RPIA: variants seen among roughly 807,000 people sequenced by gnomAD.
RPIA encodes ribose-5-phosphate isomerase.
RPIA carries 29 observed loss-of-function variants against 37.8 expected under a neutral mutation model. That is an observed-to-expected ratio of 0.77 (90% CI 0.57 to 1.05). The LOEUF (loss-of-function observed/expected upper bound fraction) is 1.05, where lower values mean the gene tolerates loss of function less well. Ranked by LOEUF, RPIA falls within the 50% of genes least tolerant of loss-of-function variation. The probability of loss-of-function intolerance (pLI) is 0.00; values close to 1 mark genes in which losing one functional copy is unlikely to be tolerated. For synonymous variants in RPIA, 167 were observed against 157.0 expected, an observed-to-expected ratio of 1.06 and a Z score of -0.48; for missense variants, 385 against 413.6, an observed-to-expected ratio of 0.93 and a Z score of 0.60.
intron 8 of RPIA, among the ~76,000 whole-genome samples, chr2:88,739,641 A>G (rs1395568435): frequency 6.6e-6 from 1 of 152,158 alleles, no homozygotes; most frequent in Non-Finnish European, 1.5e-5. Flanking sequence ...TTTTTGAGAT[A>G]GGGTCTCGCT....
At chr2:88,712,976 C>T (rs1263912056) in intron 3 of RPIA, among the ~76,000 whole-genome samples, 1 of 151,584 alleles carries the variant, frequency 6.6e-6, no homozygotes, top group Non-Finnish European at 1.5e-5. Context: ...TCAAGTGATT[C>T]TCCTGCCTCA....
rs1046703137 is a variant in RPIA, at chr2:88,739,334, T to C, written c.838+1258T>C. ...AGCTGTGCTCTGGCGTGTTACCTTT[T>C]AGCAGTTAGTTAACATCTCTGTGCC... On this transcript the variant is annotated intron_variant, in intron 8 of 8. Coordinates refer to ENST00000283646, the MANE Select transcript of RPIA (RefSeq NM_144563.3). Among the ~76,000 whole-genome samples the C allele has an allele frequency of 2.6e-5, 4 of 152,302 alleles. No individual in the cohort carries two copies. The South Asian group carries it at 6.2e-4, about 24-fold the overall frequency.
At chr2:88,738,501 T>C (rs561300578) in intron 8 of RPIA, among the ~76,000 whole-genome samples, 2 of 152,290 alleles carry the variant, frequency 1.3e-5, no homozygotes, top group South Asian at 4.1e-4. Context: ...AGGCAAGATG[T>C]TGTGCTGTGT....
intron 3 of RPIA, among the ~76,000 whole-genome samples, chr2:88,708,355 T>TA (rs1035572047): frequency 1.4e-4 from 22 of 152,218 alleles, no homozygotes; most frequent in African/African-American, 4.8e-4. Context: ...AGCAATTAGT[T>TA]AACAATACCT....
chr2:88,727,566 C>T (rs1449443770), intron 3 of RPIA, among the ~76,000 whole-genome samples: 1 of 152,200 alleles, frequency 6.6e-6, no homozygotes, highest in Non-Finnish European at 1.5e-5. Flanking sequence ...CACCCTCTAT[C>T]CTTCAGTCAG....
rs1293726174 is a variant in RPIA, at chr2:88,691,958, G to A, written c.260G>A (p.Arg87His). 6.3e-7 allele frequency: 1 copy of A among 1,592,112 alleles called. No homozygotes were observed. Among genetic ancestry groups the A allele is most frequent in the Non-Finnish European group, 8.5e-7 (1 of 1,170,424 alleles). The change falls in exon 1 of 9, where the codon CGC becomes CAC. Residue 87 changes from arginine (R) to histidine (H), a missense_variant. Arg to His is a conservative substitution (Grantham distance 29). Coordinates refer to ENST00000283646, the MANE Select transcript of RPIA (RefSeq NM_144563.3). ...KAEEAKKLAG[R>H]AAVENHVRNN... ...GAGGAGGCCAAGAAGCTGGCGGGCC[G>A]CGCGGCTGTGGAGAACCACGTGAGG...
chr2:88,737,934 C>T, intron 7 of RPIA, 43 bp from the exon 8 acceptor site: 2 of 1,442,508 alleles, frequency 1.4e-6, no homozygotes, highest in East Asian at 2.3e-5. Flanking sequence ...TCTCTGCCTA[C>T]CTGTATCTGC....
intron 3 of RPIA, among the ~76,000 whole-genome samples, chr2:88,714,156 T>TTTG (rs1231728423): frequency 7.7e-6 from 1 of 129,846 alleles, no homozygotes; most frequent in Non-Finnish European, 1.7e-5. Context: ...CTGCTCATTT[T>TTTG]TTGTTTTTTT....
chr2:88,728,571 C>G (rs1673226388), intron 3 of RPIA, among the ~76,000 whole-genome samples: 1 of 152,222 alleles, frequency 6.6e-6, no homozygotes, highest in Non-Finnish European at 1.5e-5. Context: ...CTTGGGCATT[C>G]AAACATGAAG....
At position 88,694,941 on chromosome 2, in the gene RPIA, C is replaced by A. The variant is rs368952136; in HGVS notation, c.285+2958C>A. ...TTTCTAGGCCCTTGCAATTCCTGGT[C>A]TTTTCCAAGAGCCAATCATACCTAT... On this transcript the variant is annotated intron_variant, in intron 1 of 8. Transcript: ENST00000283646. 2.5e-4 allele frequency among the ~76,000 whole-genome samples: 36 copies of A among 143,000 alleles called. No homozygotes were observed. The South Asian group carries it at 6.7e-3, about 27-fold the overall frequency. The allele number at this position is 143,000 out of a possible 152,430, so 93.8% of individuals were successfully genotyped here.
chr2:88,712,560 A>G (rs1466172424), intron 3 of RPIA, among the ~76,000 whole-genome samples: 1 of 152,176 alleles, frequency 6.6e-6, no homozygotes, highest in Non-Finnish European at 1.5e-5. Flanking sequence ...CAGTACAGTT[A>G]CTTTTTAGTT....
Position 88,698,540 on chromosome 2 carries a change from A to C in RPIA, c.342A>C (p.Arg114=), listed in dbSNP as rs376797120. 1.9e-6 allele frequency: 3 copies of C among 1,613,548 alleles called. No homozygotes were observed. The African/African-American group carries it at 4.0e-5, about 22-fold the overall frequency. ...SGSTIVHAVQ[R]IAERVKQENL... ...CTACAATTGTCCATGCTGTGCAGCG[A>C]ATAGGTATGCTCTCTCACTGTCTAC... The change falls in exon 2 of 9, where the codon CGA becomes CGC. Residue 114 remains arginine, a synonymous_variant. Transcript: ENST00000283646.
intron 8 of RPIA, among the ~76,000 whole-genome samples, chr2:88,746,625 G>A (rs1056094774): frequency 2.6e-5 from 4 of 152,194 alleles, no homozygotes; most frequent in African/African-American, 7.2e-5. Flanking sequence ...TTAGGTCCCC[G>A]AGCTGTGGAT....
At chr2:88,721,577 C>A (rs992522452) in intron 3 of RPIA, among the ~76,000 whole-genome samples, 40 of 129,876 alleles carry the variant, frequency 3.1e-4, no homozygotes, top group African/African-American at 9.6e-4. Flanking sequence ...ACACACCCCC[C>A]CCCCCACATG....
intron 3 of RPIA, among the ~76,000 whole-genome samples, chr2:88,712,957 C>T (rs1212566450): frequency 6.6e-6 from 1 of 151,660 alleles, no homozygotes. Flanking sequence ...CAACCTCCGC[C>T]TCCCGTGTTC....
At chr2:88,748,182 C>G (rs946959803) in intron 8 of RPIA, among the ~76,000 whole-genome samples, 1 of 152,212 alleles carries the variant, frequency 6.6e-6, no homozygotes, top group Admixed American at 6.5e-5. Context: ...ATTGCAACTC[C>G]TCCCGCCCCA....
intron 3 of RPIA, among the ~76,000 whole-genome samples, chr2:88,715,862 G>A (rs1356473187): frequency 6.6e-6 from 1 of 152,122 alleles, no homozygotes; most frequent in African/African-American, 2.4e-5. Context: ...TTTCAGAGAG[G>A]TTTTGAGAAG....
At position 88,734,602 on chromosome 2, in the gene RPIA, C is replaced by T. The variant is rs201100283; in HGVS notation, c.513C>T (p.Leu171=). 153 of 1,614,144 alleles carry T rather than the reference C, an allele frequency of 9.5e-5. 1 individual carries two copies. In the Admixed American group the frequency reaches 2.5e-3, roughly 27 times the overall value. Residue 171 remains leucine, a synonymous_variant, in exon 5 of 9, where the codon CTC becomes CTT. Coordinates refer to ENST00000283646, the MANE Select transcript of RPIA (RefSeq NM_144563.3). ...ATGAAGTAGATGCTGATCTCAATCT[C>T]ATCAAGGGTGGCGGGTGAGTGTTGT... ...GADEVDADLN[L]IKGGGGCLTQ...
chr2:88,733,940 C>T (rs1218589403), intron 4 of RPIA, among the ~76,000 whole-genome samples: 2 of 152,142 alleles, frequency 1.3e-5, no homozygotes, highest in Admixed American at 6.5e-5. Context: ...CGGGCAAGCC[C>T]AGACAAGTGG....
Sources: allele counts gnomAD v4.1 joint callset (sites outside exome capture counted in the v4.1 genomes callset), GRCh38; gene constraint gnomAD v4.1.1; transcripts MANE v1.5; gene names NCBI Gene and HGNC (gene_info 2026-07-23, HGNC 2026-07-21).